Variants in PAPSS2 observed in about 807,000 individuals in gnomAD.
PAPSS2 encodes 3'-phosphoadenosine 5'-phosphosulfate synthase 2.
Under a neutral mutation model 66.5 loss-of-function variants are expected in PAPSS2, and 61 were observed. The observed-to-expected ratio is 0.92, with a 90% confidence interval of 0.75 to 1.14. PAPSS2 has a LOEUF of 1.14. Among genes scored for constraint, PAPSS2 ranks in the 50% most tolerant of loss-of-function variants. The pLI is 0.00. For synonymous variants in PAPSS2, 289 were observed against 287.5 expected (o/e 1.01, Z -0.05); for missense variants, 708 against 789.6 (o/e 0.90, Z 1.24).
intron 9 of PAPSS2, among the ~76,000 whole-genome samples, chr10:87,734,741 T>C (rs1422665320): frequency 6.8e-6 from 1 of 146,680 alleles, no homozygotes; most frequent in East Asian, 2.0e-4. Context: ...TTAGTTTTTC[T>C]TCTCTTTGAT....
At chr10:87,728,743 A>AG (rs1853690771) in intron 9 of PAPSS2, among the ~76,000 whole-genome samples, 1 of 151,444 alleles carries the variant, frequency 6.6e-6, no homozygotes, top group Admixed American at 6.6e-5. Flanking sequence ...TCTGAAAGAA[A>AG]AAAAAAAGAG....
At chr10:87,679,602 T>G (rs2131903094) in intron 1 of PAPSS2, among the ~76,000 whole-genome samples, 1 of 152,316 alleles carries the variant, frequency 6.6e-6, no homozygotes, top group South Asian at 2.1e-4. Context: ...AAAAATTACA[T>G]GCCAATTTTT....
rs570632820 is a variant in PAPSS2 at position 87,692,614 on chromosome 10, C to T, written c.28-16582C>T. On this transcript the variant is annotated intron_variant, in intron 1 of 12. Coordinates refer to ENST00000456849, the MANE Select transcript of PAPSS2 (RefSeq NM_001015880.2). ...ATGCTGTTTTAGAGATTATTGGCTGCTTGTTGTTTCTGCTTCTAATGCCTT... is the reference window on the plus strand; with the variant it reads ...ATGCTGTTTTAGAGATTATTGGCTGTTTGTTGTTTCTGCTTCTAATGCCTT... Among the ~76,000 whole-genome samples the T allele has an allele frequency of 3.1e-3, 474 of 152,280 alleles. 6 individuals are homozygous for T. Among genetic ancestry groups the T allele is most frequent in the South Asian group, 0.025 (121 of 4,822 alleles).
intron 1 of PAPSS2, among the ~76,000 whole-genome samples, chr10:87,670,912 C>A (rs985229929): frequency 6.6e-6 from 1 of 152,122 alleles, no homozygotes; most frequent in Non-Finnish European, 1.5e-5. Context: ...GTTATTAATC[C>A]TTGTTGTCAT....
chr10:87,669,687 C>G (rs1464562397), intron 1 of PAPSS2, among the ~76,000 whole-genome samples: 1 of 152,168 alleles, frequency 6.6e-6, no homozygotes, highest in African/African-American at 2.4e-5. Context: ...TTCATTGCCA[C>G]GATTTATTGA....
intron 1 of PAPSS2, among the ~76,000 whole-genome samples, chr10:87,677,922 GC>G (rs1852969086): frequency 6.6e-6 from 1 of 152,064 alleles, no homozygotes; most frequent in Admixed American, 6.6e-5. Context: ...GATATGCTTA[GC>G]CTTGTAAATA....
At chr10:87,698,303 G>A (rs1015966366) in intron 1 of PAPSS2, among the ~76,000 whole-genome samples, 3 of 152,092 alleles carry the variant, frequency 2.0e-5, no homozygotes, top group Non-Finnish European at 4.4e-5. Flanking sequence ...AGGAATTGAA[G>A]AAAATGATAA....
intron 1 of PAPSS2, among the ~76,000 whole-genome samples, chr10:87,700,177 T>C (rs12267790): frequency 0.014 from 2,099 of 152,322 alleles, 41 homozygotes; most frequent in African/African-American, 0.048. Context: ...TTTTAGATAA[T>C]ATTGCTATGA....
chr10:87,713,649 T>A (rs576362942), intron 3 of PAPSS2, among the ~76,000 whole-genome samples: 65 of 152,252 alleles, frequency 4.3e-4, no homozygotes, highest in African/African-American at 1.4e-3. Flanking sequence ...GGAAAAAGGA[T>A]CTAGTTAAAG....
chr10:87,703,864 GGGATGCCGA>G (rs1276880854), intron 1 of PAPSS2: 19 of 514,022 alleles, frequency 3.7e-5, no homozygotes, highest in Middle Eastern at 3.2e-4. Context: ...AGAGTTAGAT[GGGATGCCGA>G]GGATGTCTGT....
At chr10:87,692,044 C>T (rs1305903915) in intron 1 of PAPSS2, among the ~76,000 whole-genome samples, 1 of 152,148 alleles carries the variant, frequency 6.6e-6, no homozygotes, top group Non-Finnish European at 1.5e-5. Flanking sequence ...AGGAAGACTT[C>T]TGGGAGCAAT....
rs879045886 is a variant in PAPSS2 at position 87,660,822 on chromosome 10, A to C, written c.27+814A>C. 3.2e-3 allele frequency among the ~76,000 whole-genome samples: 364 copies of C among 113,102 alleles called. 3 individuals are homozygous for C. Among genetic ancestry groups the C allele is most frequent in the South Asian group, 0.02 (78 of 3,954 alleles). 74.2% of individuals were successfully genotyped at this position (113,102 alleles called of 152,430 possible). ...ATAAACTGAAAAAAAAAAAAAAAAA[A>C]AAAAAAAAAAAACCGGGAGCAGTAA... is the stretch of plus-strand genomic sequence containing the variant. On this transcript the variant is annotated intron_variant, in intron 1 of 12. Transcript: ENST00000456849.
intron 2 of PAPSS2, among the ~76,000 whole-genome samples, 194 bp downstream of exon 2, chr10:87,709,507 A>C (rs902078684): frequency 3.3e-5 from 5 of 152,216 alleles, no homozygotes; most frequent in African/African-American, 1.2e-4. Context: ...AACTACAGAA[A>C]TAAGAGTCTG....
intron 10 of PAPSS2, among the ~76,000 whole-genome samples, chr10:87,742,894 G>T (rs1432138830): frequency 6.6e-6 from 1 of 152,202 alleles, no homozygotes; most frequent in Non-Finnish European, 1.5e-5. Context: ...TCTGGTGTTG[G>T]TTAGTGCTGG....
chr10:87,743,521 T>C lies in PAPSS2; in HGVS notation c.1371T>C (p.Asp457=), dbSNP rs1367518291. The C allele has an allele frequency of 1.9e-6, 3 of 1,614,142 alleles. No individual in the cohort carries two copies. The highest frequency in any genetic ancestry group is 1.1e-5 in the South Asian group (1 of 91,082). The change falls in exon 11 of 13, where the codon GAT becomes GAC. Residue 457 remains aspartate, a synonymous_variant. Coordinates refer to ENST00000456849, the MANE Select transcript of PAPSS2 (RefSeq NM_001015880.2). ...HPLGGWTKDD[D]VPLDWRMKQH... ...TGGGCGGCTGGACCAAGGATGACGA[T>C]GTGCCTCTAGACTGGCGGATGAAGC...
intron 9 of PAPSS2, among the ~76,000 whole-genome samples, chr10:87,733,582 A>G (rs1853757057): frequency 6.6e-6 from 1 of 152,194 alleles, no homozygotes; most frequent in African/African-American, 2.4e-5. Flanking sequence ...CCATATGGTT[A>G]GTTATATCAA....
At chr10:87,682,119 A>G (rs758220808) in intron 1 of PAPSS2, among the ~76,000 whole-genome samples, 4 of 152,358 alleles carry the variant, frequency 2.6e-5, no homozygotes, top group Middle Eastern at 3.4e-3. Flanking sequence ...TTGAAAAAAT[A>G]GAATACGAAG....
chr10:87,720,763 A>G (rs957509710), intron 7 of PAPSS2, among the ~76,000 whole-genome samples: 1 of 152,242 alleles, frequency 6.6e-6, no homozygotes, highest in Non-Finnish European at 1.5e-5. Flanking sequence ...CCCCAAAACA[A>G]AAACCAAATC....
At chr10:87,689,256 C>G in intron 1 of PAPSS2, among the ~76,000 whole-genome samples, 1 of 130,796 alleles carries the variant, frequency 7.6e-6, no homozygotes, top group Non-Finnish European at 1.7e-5. Flanking sequence ...AGGAGAATTG[C>G]TTGAAACTGG....
Sources: allele counts gnomAD v4.1 joint callset (sites outside exome capture counted in the v4.1 genomes callset), GRCh38; gene constraint gnomAD v4.1.1; transcripts MANE v1.5; gene names NCBI Gene and HGNC (gene_info 2026-07-23, HGNC 2026-07-21).